RNGTT: variants seen among roughly 807,000 people sequenced by gnomAD.
The protein encoded by RNGTT is mRNA-capping enzyme.
RNGTT carries 33 observed loss-of-function variants against 79.3 expected under a neutral mutation model. That is an observed-to-expected ratio of 0.42 (90% CI 0.32 to 0.56). RNGTT has a LOEUF of 0.56. Ranked by LOEUF, RNGTT falls within the 20% of genes least tolerant of loss-of-function variation. RNGTT has a pLI of 0.17. For synonymous variants in RNGTT, 222 were observed against 235.9 expected (o/e 0.94, Z 0.54); for missense variants, 497 against 739.1 (o/e 0.67, Z 3.80).
At chr6:88,907,575 A>C (rs1269463676) in intron 4 of RNGTT, among the ~76,000 whole-genome samples, 1 of 152,100 alleles carries the variant, frequency 6.6e-6, no homozygotes, top group African/African-American at 2.4e-5. Flanking sequence ...TAAATTACCC[A>C]TTCTCGAGTA....
At chr6:88,868,722 A>G (rs1420846730) in intron 8 of RNGTT, among the ~76,000 whole-genome samples, 6 of 152,152 alleles carry the variant, frequency 3.9e-5, no homozygotes, top group Admixed American at 1.3e-4. Flanking sequence ...TCCTTTTAAA[A>G]CTTTACTGCC....
chr6:88,656,091 G>A (rs911753138), intron 14 of RNGTT, among the ~76,000 whole-genome samples: 1 of 152,076 alleles, frequency 6.6e-6, no homozygotes, highest in African/African-American at 2.4e-5. Flanking sequence ...ATTATGAAAA[G>A]ATATATAGAA....
chr6:88,764,752 A>G (rs1012753687), intron 13 of RNGTT, among the ~76,000 whole-genome samples: 1 of 152,206 alleles, frequency 6.6e-6, no homozygotes, highest in African/African-American at 2.4e-5. Context: ...AAATTGGAGC[A>G]TATTTTCTCA....
intron 1 of RNGTT, among the ~76,000 whole-genome samples, chr6:88,952,356 A>G (rs544394536): frequency 6.6e-6 from 1 of 152,284 alleles, no homozygotes; most frequent in South Asian, 2.1e-4. Flanking sequence ...TGAACACAAA[A>G]GACAGAAATT....
At chr6:88,642,462 T>C (rs1245540023) in intron 14 of RNGTT, among the ~76,000 whole-genome samples, 1 of 152,222 alleles carries the variant, frequency 6.6e-6, no homozygotes, top group Non-Finnish European at 1.5e-5. Flanking sequence ...TAAATGATGA[T>C]GTTGGATAAC....
chr6:88,651,412 C>T (rs73492487), intron 14 of RNGTT, among the ~76,000 whole-genome samples: 1,971 of 152,230 alleles, frequency 0.013, 46 homozygotes, highest in African/African-American at 0.045. Flanking sequence ...AGTACCTACA[C>T]TTTTACAGGT....
intron 14 of RNGTT, among the ~76,000 whole-genome samples, chr6:88,652,038 T>A (rs1321867078): frequency 6.6e-6 from 1 of 152,192 alleles, no homozygotes; most frequent in African/African-American, 2.4e-5. Context: ...AACTTAAATA[T>A]CTTATAATTT....
chr6:88,941,306 C>T (rs1190318329), intron 1 of RNGTT, 126 bp from the exon 2 acceptor site: 2 of 630,558 alleles, frequency 3.2e-6, no homozygotes, highest in Non-Finnish European at 5.5e-6. Flanking sequence ...GTCGCTCTGT[C>T]CCCCAGGATA....
chr6:88,852,661 C>T (rs1781711762), intron 9 of RNGTT, among the ~76,000 whole-genome samples: 1 of 152,028 alleles, frequency 6.6e-6, no homozygotes, highest in Admixed American at 6.6e-5. Context: ...ATACAAAAAT[C>T]AAAATGTCCA....
Position 88,891,834 on chromosome 6 carries a change from T to C in RNGTT, c.766A>G (p.Lys256Glu). ...TCCCAGCCACAGAATTGATGACACT[T>C]CTGCTGTACCTCTCCTAACTTTGGT... is the stretch of plus-strand genomic sequence containing the variant. ...TQPKLGEVQQ[K>E]CHQFCGWEGS... is the part of the protein sequence containing the mutation. The change falls in exon 7 of 16, where the codon AAG becomes GAG. Residue 256 changes from lysine (K) to glutamate (E), a missense_variant. Lys to Glu is a moderately conservative substitution (Grantham distance 56). Around this residue, in one of 3 missense-constraint regions of RNGTT, gnomAD observed 440 missense variants for 671.5 expected, o/e 0.66. Transcript: ENST00000369485. 2 of 1,596,646 alleles carry C rather than the reference T, an allele frequency of 1.3e-6. No individual in the cohort carries two copies. Among genetic ancestry groups the C allele is most frequent in the Non-Finnish European group, 1.7e-6 (2 of 1,171,908 alleles).
At chr6:88,616,111 T>C (rs1306846582) in intron 14 of RNGTT, among the ~76,000 whole-genome samples, 1 of 152,248 alleles carries the variant, frequency 6.6e-6, no homozygotes. Context: ...CTATTTGTCC[T>C]TTTGTGATTG....
intron 11 of RNGTT, among the ~76,000 whole-genome samples, chr6:88,826,574 G>T (rs1006457703): frequency 7.9e-5 from 12 of 151,708 alleles, no homozygotes; most frequent in African/African-American, 2.7e-4. Context: ...ACCTGAGGCC[G>T]GAAGTTCAAG....
At chr6:88,753,862 A>G (rs1582418631) in intron 13 of RNGTT, among the ~76,000 whole-genome samples, 1 of 152,110 alleles carries the variant, frequency 6.6e-6, no homozygotes, top group Non-Finnish European at 1.5e-5. Flanking sequence ...GTTTCACTCT[A>G]GATTCAGATA....
intron 11 of RNGTT, among the ~76,000 whole-genome samples, chr6:88,811,689 T>G (rs1319030587): frequency 2.0e-5 from 3 of 152,184 alleles, no homozygotes; most frequent in Non-Finnish European, 4.4e-5. Flanking sequence ...GAAATACGAA[T>G]TGGCAATATC....
intron 12 of RNGTT, among the ~76,000 whole-genome samples, chr6:88,793,622 T>C (rs1779493796): frequency 6.6e-6 from 1 of 152,174 alleles, no homozygotes; most frequent in South Asian, 2.1e-4. Flanking sequence ...CCCAGCACTT[T>C]GGGAGGCCGA....
intron 13 of RNGTT, among the ~76,000 whole-genome samples, chr6:88,699,555 C>T (rs961841320): frequency 5.3e-5 from 8 of 152,156 alleles, no homozygotes; most frequent in South Asian, 2.1e-4. Context: ...TGGTGGCACA[C>T]GCCTGTAGTC....
intron 2 of RNGTT, among the ~76,000 whole-genome samples, chr6:88,939,185 A>G (rs1784766937): frequency 6.6e-6 from 1 of 152,196 alleles, no homozygotes; most frequent in Non-Finnish European, 1.5e-5. Flanking sequence ...TATTTCATTA[A>G]ATAGGTTTTC....
At chr6:88,724,220 C>T (rs1281857588) in intron 13 of RNGTT, among the ~76,000 whole-genome samples, 1 of 152,070 alleles carries the variant, frequency 6.6e-6, no homozygotes, top group Admixed American at 6.5e-5. Context: ...ATGTCATAGG[C>T]CTTCACACTC....
intron 13 of RNGTT, among the ~76,000 whole-genome samples, chr6:88,731,768 C>T (rs1362874799): frequency 3.3e-5 from 5 of 152,102 alleles, no homozygotes; most frequent in Admixed American, 3.3e-4. Context: ...GCACTGACCT[C>T]CCATGCAGCT....
Sources: allele counts gnomAD v4.1 joint callset (sites outside exome capture counted in the v4.1 genomes callset), GRCh38; gene constraint gnomAD v4.1.1; regional missense constraint gnomAD v4.1.1; transcripts MANE v1.5; gene names NCBI Gene and HGNC (gene_info 2026-07-23, HGNC 2026-07-21).